The following NEK11 variants were observed in gnomAD, a reference collection of about 807,000 sequenced individuals.
The protein encoded by NEK11 is serine/threonine-protein kinase Nek11.
Under a neutral mutation model 80.7 loss-of-function variants are expected in NEK11, and 72 were observed. The ratio of observed to expected loss-of-function variants is 0.89; its 90% confidence interval spans 0.74 to 1.08. The LOEUF (loss-of-function observed/expected upper bound fraction) is 1.08, where lower values mean the gene tolerates loss of function less well. NEK11 is among the 50% of genes least tolerant of loss of function. The pLI, the probability that NEK11 is intolerant of heterozygous loss-of-function variation, is 0.00. For missense variants in NEK11, 764 were observed against 763.6 expected, an observed-to-expected ratio of 1.00 and a Z score of -0.01; for synonymous variants, 251 against 260.7, an observed-to-expected ratio of 0.96 and a Z score of 0.36.
chr3:131,315,528 A>G (rs1483809095), intron 17 of NEK11, among the ~76,000 whole-genome samples: 2 of 149,092 alleles, frequency 1.3e-5, no homozygotes, highest in Admixed American at 6.7e-5. Flanking sequence ...GGTTGTTTCT[A>G]TATCTTGCCA....
chr3:131,044,798 C>A (rs1465637841), intron 3 of NEK11, among the ~76,000 whole-genome samples: 1 of 152,110 alleles, frequency 6.6e-6, no homozygotes, highest in South Asian at 2.1e-4. Context: ...GAACTCTTCA[C>A]CCCAAATCAA....
chr3:131,296,798 C>T (rs2096598095), intron 17 of NEK11, among the ~76,000 whole-genome samples: 1 of 152,028 alleles, frequency 6.6e-6, no homozygotes, highest in South Asian at 2.1e-4. Flanking sequence ...GCTCCTAATG[C>T]TATCCCTCCC....
chr3:131,240,322 CCT>C (rs781106411), intron 15 of NEK11, among the ~76,000 whole-genome samples: 12 of 152,144 alleles, frequency 7.9e-5, no homozygotes, highest in Non-Finnish European at 1.6e-4. Context: ...TGTGGCAAAA[CCT>C]CTTTCCTACC....
At chr3:131,109,947 C>A in intron 5 of NEK11, 26 bp downstream of exon 5, 8 of 1,560,658 alleles carry the variant, frequency 5.1e-6, no homozygotes, top group Non-Finnish European at 6.9e-6. Flanking sequence ...ACTGGGGGAG[C>A]ATGATATATT....
At chr3:131,164,538 T>C (rs2092011178) in intron 11 of NEK11, among the ~76,000 whole-genome samples, 1 of 152,130 alleles carries the variant, frequency 6.6e-6, no homozygotes, top group African/African-American at 2.4e-5. Flanking sequence ...AAAAGGAAAA[T>C]TAAATCTCTG....
chr3:131,030,212 C>G (rs934293220), intron 3 of NEK11, among the ~76,000 whole-genome samples: 1 of 150,362 alleles, frequency 6.7e-6, no homozygotes, highest in Non-Finnish European at 1.5e-5. Context: ...GCCCTCCAGC[C>G]TGGGCAACAG....
At chr3:131,044,449 G>GC (rs1560146654) in intron 3 of NEK11, among the ~76,000 whole-genome samples, 2 of 138,724 alleles carry the variant, frequency 1.4e-5, no homozygotes, top group East Asian at 4.3e-4. Flanking sequence ...AAAAAGGTGG[G>GC]GGGGGGGGTT....
At chr3:131,122,839 T>C (rs2082628179) in intron 5 of NEK11, among the ~76,000 whole-genome samples, 1 of 152,098 alleles carries the variant, frequency 6.6e-6, no homozygotes, top group South Asian at 2.1e-4. Flanking sequence ...AAGAATGACC[T>C]GATGGGGAGA....
intron 16 of NEK11, among the ~76,000 whole-genome samples, chr3:131,266,609 A>C (rs988538990): frequency 3.3e-5 from 5 of 152,144 alleles, no homozygotes; most frequent in Non-Finnish European, 7.4e-5. Context: ...TTGCTAAAGG[A>C]GTGTTTTTAC....
At chr3:131,054,789 T>C (rs2069105311) in intron 3 of NEK11, among the ~76,000 whole-genome samples, 1 of 135,252 alleles carries the variant, frequency 7.4e-6, no homozygotes, top group Non-Finnish European at 1.5e-5. Context: ...AATAAATAAA[T>C]AAATGAATGA....
chr3:131,103,674 T>G (rs945631002), intron 4 of NEK11, among the ~76,000 whole-genome samples: 1 of 152,194 alleles, frequency 6.6e-6, no homozygotes, highest in African/African-American at 2.4e-5. Flanking sequence ...ATGTTTGGGC[T>G]GCAGGGTTCC....
chr3:131,316,364 T>C (rs1281439322), intron 17 of NEK11, among the ~76,000 whole-genome samples: 1 of 152,182 alleles, frequency 6.6e-6, no homozygotes, highest in Non-Finnish European at 1.5e-5. Flanking sequence ...TGCATGCCTG[T>C]TCCCCTCCCC....
chr3:131,237,008 G>A (rs114984747), intron 15 of NEK11, among the ~76,000 whole-genome samples: 2,974 of 152,246 alleles, frequency 0.02, 38 homozygotes, highest in South Asian at 0.036. Flanking sequence ...ACCATTTGTG[G>A]GAGAGTAGAT....
At chr3:131,124,440 G>A (rs556714670) in intron 5 of NEK11, among the ~76,000 whole-genome samples, 1 of 152,158 alleles carries the variant, frequency 6.6e-6, no homozygotes, top group East Asian at 1.9e-4. Flanking sequence ...GCCTTGTTGG[G>A]CATTAACCAG....
At chr3:131,318,339 A>G (rs2096864359) in intron 17 of NEK11, among the ~76,000 whole-genome samples, 1 of 152,190 alleles carries the variant, frequency 6.6e-6, no homozygotes, top group Non-Finnish European at 1.5e-5. Context: ...ACAGAAGAGA[A>G]TGTTAATTAG....
chr3:131,318,383 G>A (rs1269226275), intron 17 of NEK11, among the ~76,000 whole-genome samples: 1 of 152,124 alleles, frequency 6.6e-6, no homozygotes. Context: ...GGCAACGTCT[G>A]TTCAAATTTT....
At chr3:131,169,826 T>G (rs563636094) in intron 13 of NEK11, among the ~76,000 whole-genome samples, 1 of 152,318 alleles carries the variant, frequency 6.6e-6, no homozygotes, top group East Asian at 1.9e-4. Context: ...CATACTTATT[T>G]TCAAATAATT....
intron 3 of NEK11, among the ~76,000 whole-genome samples, chr3:131,045,470 T>C (rs2067241591): frequency 6.6e-6 from 1 of 152,214 alleles, no homozygotes; most frequent in Admixed American, 6.5e-5. Context: ...AGAGTTCCTT[T>C]TGGAGTGGAT....
At chr3:131,270,148 G>A (rs1219792534) in intron 16 of NEK11, among the ~76,000 whole-genome samples, 1 of 152,160 alleles carries the variant, frequency 6.6e-6, no homozygotes, top group Admixed American at 6.5e-5. Flanking sequence ...TCCTGAGGGA[G>A]AATGACATTA....
Sources: gnomAD v4.1 joint callset for allele counts (sites outside exome capture counted in the v4.1 genomes callset) on GRCh38, gnomAD v4.1.1 for gene constraint, MANE v1.5 for transcripts, NCBI Gene and HGNC (gene_info 2026-07-23, HGNC 2026-07-21) for gene names.